The following XPR1 variants were observed in gnomAD, a reference collection of about 807,000 sequenced individuals.
XPR1 encodes xenotropic and polytropic retrovirus receptor 1.
XPR1 carries 28 observed loss-of-function variants against 87.5 expected under a neutral mutation model. The ratio of observed to expected loss-of-function variants is 0.32; its 90% CI spans 0.24 to 0.44. The LOEUF is 0.44. Among genes scored for constraint, XPR1 ranks in the 20% least tolerant of loss-of-function variants. The pLI is 1.00. For missense variants in XPR1, 559 were observed against 862.3 expected, an observed-to-expected ratio of 0.65 and a Z score of 4.41; for synonymous variants, 300 against 306.1, an observed-to-expected ratio of 0.98 and a Z score of 0.21.
At chr1:180,670,336 G>A (rs1011593036) in intron 1 of XPR1, among the ~76,000 whole-genome samples, 2 of 151,640 alleles carry the variant, frequency 1.3e-5, no homozygotes, top group African/African-American at 4.8e-5. Context: ...TTGATTTTTT[G>A]TAGTGAAATG....
At chr1:180,632,706 C>G (rs951697254) in intron 1 of XPR1, among the ~76,000 whole-genome samples, 5 of 152,250 alleles carry the variant, frequency 3.3e-5, no homozygotes, top group Non-Finnish European at 5.9e-5. Context: ...GTTTCTCTCT[C>G]TACACCTCTC....
intron 7 of XPR1, among the ~76,000 whole-genome samples, chr1:180,816,456 C>T (rs1650415603): frequency 6.6e-6 from 1 of 152,138 alleles, no homozygotes; most frequent in Non-Finnish European, 1.5e-5. Context: ...AGATTGGAAA[C>T]CCCTGTACTA....
intron 1 of XPR1, among the ~76,000 whole-genome samples, chr1:180,669,263 T>G (rs951624281): frequency 6.6e-6 from 1 of 152,210 alleles, no homozygotes; most frequent in Non-Finnish European, 1.5e-5. Context: ...CGAGAGATAT[T>G]GAAGTCTCCA....
intron 11 of XPR1, among the ~76,000 whole-genome samples, chr1:180,842,333 T>C (rs550842281): frequency 2.0e-5 from 3 of 152,216 alleles, no homozygotes; most frequent in Admixed American, 2.0e-4. Context: ...AAAATTGAGA[T>C]GTAAGAGTAA....
chr1:180,712,733 G>A (rs2101986299), intron 2 of XPR1, among the ~76,000 whole-genome samples: 1 of 152,242 alleles, frequency 6.6e-6, no homozygotes, highest in African/African-American at 2.4e-5. Context: ...TTGAACCTGG[G>A]AGGCGGAGGT....
rs536407243 is a variant in XPR1 at position 180,670,147 on chromosome 1, A to G, written c.70-12213A>G. On this transcript the variant is annotated intron_variant, in intron 1 of 14. Coordinates refer to ENST00000367590, the MANE Select transcript of XPR1 (RefSeq NM_004736.4). ...TCTTTAGATCTAAAGTGTCTTGTAG[A>G]AGCTTATAGTTGAATCATGTATTTT... Among the ~76,000 whole-genome samples, 6 of 152,262 alleles carry G rather than the reference A, an allele frequency of 3.9e-5. No individual in the cohort carries two copies. The South Asian group carries it at 1.2e-3, about 32-fold the overall frequency.
chr1:180,711,634 C>A (rs962623742), intron 2 of XPR1, among the ~76,000 whole-genome samples: 79 of 151,980 alleles, frequency 5.2e-4, no homozygotes, highest in African/African-American at 1.8e-3. Context: ...GGGGAGAGTT[C>A]TTTTTATATT....
chr1:180,731,393 G>A (rs1658551916), intron 2 of XPR1, among the ~76,000 whole-genome samples: 1 of 152,106 alleles, frequency 6.6e-6, no homozygotes, highest in South Asian at 2.1e-4. Flanking sequence ...AAAACAAGGG[G>A]TTTATATAGC....
At chr1:180,833,896 G>A (rs1651171809) in intron 9 of XPR1, among the ~76,000 whole-genome samples, 1 of 151,994 alleles carries the variant, frequency 6.6e-6, no homozygotes, top group South Asian at 2.1e-4. Context: ...AGTTCTTTAT[G>A]ATCAAAGAAA....
Position 180,663,904 on chromosome 1 carries a change from C to T in XPR1, c.70-18456C>T, listed in dbSNP as rs546844642. On this transcript the variant is annotated intron_variant, in intron 1 of 14. Coordinates refer to ENST00000367590, the MANE Select transcript of XPR1 (RefSeq NM_004736.4). ...CTTTTCTCAGGCAGAGGAGTCTCCC[C>T]ATGTCCACCAACACTATAGGGCCAC... is the stretch of plus-strand genomic sequence containing the variant. Among the ~76,000 whole-genome samples the T allele has an allele frequency of 1.1e-4, 17 of 152,258 alleles. 1 individual carries two copies. In the South Asian group the frequency reaches 3.5e-3, roughly 32 times the overall value.
At chr1:180,716,503 T>C (rs1377418104) in intron 2 of XPR1, among the ~76,000 whole-genome samples, 1 of 152,212 alleles carries the variant, frequency 6.6e-6, no homozygotes, top group East Asian at 1.9e-4. Flanking sequence ...TATCCACTCT[T>C]TATTATTTCC....
intron 2 of XPR1, among the ~76,000 whole-genome samples, chr1:180,718,857 C>T (rs566400828): frequency 6.6e-5 from 10 of 151,932 alleles, no homozygotes; most frequent in Admixed American, 2.0e-4. Flanking sequence ...TTAGTAGAGA[C>T]GAGGTTTCAC....
chr1:180,682,529 T>C (rs1036022386), intron 2 of XPR1, 118 bp downstream of exon 2: 1 of 474,726 alleles, frequency 2.1e-6, no homozygotes, highest in Non-Finnish European at 3.4e-6. Context: ...GGTCTTTTTT[T>C]CCCTTTTAAT....
chr1:180,717,967 T>G (rs1658054485), intron 2 of XPR1, among the ~76,000 whole-genome samples: 2 of 152,210 alleles, frequency 1.3e-5, no homozygotes, highest in Non-Finnish European at 2.9e-5. Context: ...GATATGAAGT[T>G]TAAAAAAATC....
At chr1:180,765,423 A>G (rs1195121062) in intron 2 of XPR1, among the ~76,000 whole-genome samples, 2 of 152,166 alleles carry the variant, frequency 1.3e-5, no homozygotes, top group African/African-American at 2.4e-5. Context: ...TTATTTGTTT[A>G]TATCTCTTCT....
intron 4 of XPR1, among the ~76,000 whole-genome samples, chr1:180,805,457 C>G (rs1649957846): frequency 6.6e-6 from 1 of 152,174 alleles, no homozygotes; most frequent in African/African-American, 2.4e-5. Flanking sequence ...AAACTGAACC[C>G]TGTAAGTATG....
chr1:180,771,374 A>G (rs1648505601), intron 2 of XPR1, among the ~76,000 whole-genome samples: 1 of 152,178 alleles, frequency 6.6e-6, no homozygotes, highest in African/African-American at 2.4e-5. Flanking sequence ...AGTTGCAAGA[A>G]TATTACAGAA....
chr1:180,690,148 T>A (rs1268833313), intron 2 of XPR1, among the ~76,000 whole-genome samples: 1 of 149,684 alleles, frequency 6.7e-6, no homozygotes, highest in African/African-American at 2.5e-5. Flanking sequence ...ACAGCAAGAC[T>A]CTGTCTAAAA....
intron 9 of XPR1, among the ~76,000 whole-genome samples, chr1:180,830,019 C>T (rs936309050): frequency 2.6e-5 from 4 of 152,056 alleles, no homozygotes; most frequent in Non-Finnish European, 4.4e-5. Context: ...GAAATTTGTC[C>T]TAGGCTACCA....
Sources: allele counts gnomAD v4.1 joint callset (sites outside exome capture counted in the v4.1 genomes callset), GRCh38; gene constraint gnomAD v4.1.1; transcripts MANE v1.5; gene names NCBI Gene and HGNC (gene_info 2026-07-23, HGNC 2026-07-21).